The following NDUFAF6 variants were observed in gnomAD, a reference collection of about 807,000 sequenced individuals.
NDUFAF6 encodes the protein NADH dehydrogenase (ubiquinone) complex I, assembly factor 6.
NDUFAF6 carries 45 observed loss-of-function variants against 40.8 expected under a neutral mutation model. The ratio of observed to expected loss-of-function variants is 1.10; its 90% confidence interval spans 0.87 to 1.42. The LOEUF is 1.42. Ranked by LOEUF, NDUFAF6 falls within the 40% of genes most tolerant of loss-of-function variation. NDUFAF6 has a pLI of 0.00. For synonymous variants in NDUFAF6, 185 were observed against 155.9 expected, an observed-to-expected ratio of 1.19 and a Z score of -1.39; for missense variants, 435 against 418.5, an observed-to-expected ratio of 1.04 and a Z score of -0.34.
intron 2 of NDUFAF6, among the ~76,000 whole-genome samples, chr8:95,095,251 G>A (rs564141496): frequency 6.6e-5 from 10 of 152,288 alleles, no homozygotes; most frequent in African/African-American, 1.4e-4. Context: ...GCCTCAGAGC[G>A]TGAATCAGGA....
chr8:94,928,049 T>G (rs1285204865), intron 1 of NDUFAF6: 1 of 152,272 alleles, frequency 6.6e-6, no homozygotes, highest in African/African-American at 2.4e-5. Flanking sequence ...GAGTTTCAAC[T>G]GAATTATATA....
At chr8:95,056,984 G>A (rs140779042) in intron 8 of NDUFAF6, among the ~76,000 whole-genome samples, 1 of 151,926 alleles carries the variant, frequency 6.6e-6, no homozygotes, top group Non-Finnish European at 1.5e-5. Context: ...AAAAAGTCTG[G>A]AAGAAAATAT....
downstream of NDUFAF6, among the ~76,000 whole-genome samples, chr8:95,076,872 T>TGA (rs1403296065): frequency 4.6e-5 from 1 of 21,788 alleles, no homozygotes; most frequent in Non-Finnish European, 8.5e-5. Flanking sequence ...AAACTCCGTC[T>TGA]CAAAAAAAAA....
At chr8:95,038,823 G>A (rs1454290137) in intron 3 of NDUFAF6, among the ~76,000 whole-genome samples, 6 of 151,602 alleles carry the variant, frequency 4.0e-5, no homozygotes, top group Admixed American at 6.6e-5. Flanking sequence ...GACTACAGGT[G>A]TGTGCCACAA....
At chr8:95,037,138 C>A (rs1422836210) in intron 3 of NDUFAF6, among the ~76,000 whole-genome samples, 1 of 152,182 alleles carries the variant, frequency 6.6e-6, no homozygotes, top group South Asian at 2.1e-4. Flanking sequence ...TAGATGGGTT[C>A]CCCATTTCTC....
intron 2 of NDUFAF6, among the ~76,000 whole-genome samples, chr8:95,007,885 C>T (rs1235502397): frequency 1.3e-5 from 2 of 151,920 alleles, no homozygotes; most frequent in Non-Finnish European, 2.9e-5. Context: ...CCACCACGCA[C>T]AGCTAATTTT....
At position 94,941,942 on chromosome 8, in the gene NDUFAF6, C is replaced by A. The variant is rs151079150; in HGVS notation, c.-935-3541C>A. Among the ~76,000 whole-genome samples the A allele has an allele frequency of 5.9e-3, 896 of 152,242 alleles. 8 individuals are homozygous for A. Among genetic ancestry groups the A allele is most frequent in the African/African-American group, 0.02 (850 of 41,544 alleles). ...ACCAAAGATAGGTTTTTTTCCCCCA[C>A]AAACTTATTCATATACACTGCCCTT... On this transcript the variant is annotated intron_variant, in intron 1 of 14. Transcript: ENST00000396113.
chr8:94,966,977 C>A (rs1323526417), intron 1 of NDUFAF6, among the ~76,000 whole-genome samples: 1 of 152,056 alleles, frequency 6.6e-6, no homozygotes, highest in Non-Finnish European at 1.5e-5. Flanking sequence ...TTAGCTAGGC[C>A]CCTCACTGCA....
chr8:94,960,854 A>T (rs1332374127), intron 1 of NDUFAF6, among the ~76,000 whole-genome samples: 1 of 152,190 alleles, frequency 6.6e-6, no homozygotes, highest in Non-Finnish European at 1.5e-5. Flanking sequence ...CAAACCCTTC[A>T]TACCTTTTAC....
chr8:95,045,611 C>T lies in NDUFAF6; in HGVS notation c.544C>T (p.Gln182Ter). ...ACTGGAAAATTATGCTGAAAACACA[C>T]AGAGCTCTCTTCTTTACTTAACACT... ...KELENYAENT[Q>*]SSLLYLTLEI... The change falls in exon 5 of 9, where the codon CAG becomes TAG. Residue 182 changes from glutamine (Q) to a stop codon, truncating the protein, a stop_gained. Coordinates refer to ENST00000396124, the MANE Select transcript of NDUFAF6 (RefSeq NM_152416.4). LOFTEE classifies it high-confidence loss of function. The T allele has an allele frequency of 6.2e-7, 1 of 1,613,406 alleles. No individual in the cohort carries two copies. Among genetic ancestry groups the T allele is most frequent in the Non-Finnish European group, 8.5e-7 (1 of 1,179,588 alleles).
chr8:95,023,785 G>A (rs565769468), upstream of NDUFAF6, among the ~76,000 whole-genome samples: 3 of 152,260 alleles, frequency 2.0e-5, no homozygotes, highest in East Asian at 5.8e-4. Context: ...CATGAGGTCA[G>A]ATCGAGACCA....
intron 1 of NDUFAF6, among the ~76,000 whole-genome samples, chr8:94,909,248 C>T (rs576160700): frequency 6.8e-5 from 10 of 147,400 alleles, no homozygotes; most frequent in South Asian, 2.2e-4. Flanking sequence ...ACTTGGGAGG[C>T]GGAGGCAGGA....
intron 4 of NDUFAF6, among the ~76,000 whole-genome samples, chr8:95,113,584 C>A (rs1386682022): frequency 3.3e-5 from 5 of 152,194 alleles, no homozygotes; most frequent in South Asian, 2.1e-4. Context: ...ACTCTTCTTG[C>A]CTTCAAGCCC....
In NDUFAF6 at chr8:95,032,669, C is replaced by CA. The variant is rs576400464; in HGVS notation, c.297+576dup. On this transcript the variant is annotated intron_variant, in intron 2 of 8. Coordinates refer to ENST00000396124, the MANE Select transcript of NDUFAF6 (RefSeq NM_152416.4). ...GGAGATGAGAGAGTGAAAACTGGAA[C>CA]AGCCTTAGTCTTCTCAGTAATAAAT... Among the ~76,000 whole-genome samples the CA allele has an allele frequency of 4.3e-3, 648 of 152,252 alleles. 10 individuals are homozygous for CA. The highest frequency in any genetic ancestry group is 0.034 in the Middle Eastern group (10 of 294).
chr8:95,089,456 CTGTG>C (rs72153305), intron 2 of NDUFAF6, among the ~76,000 whole-genome samples: 6 of 101,920 alleles, frequency 5.9e-5, no homozygotes, highest in African/African-American at 1.4e-4. Context: ...ATAGTGTAAA[CTGTG>C]TGTATATATA....
At chr8:94,946,127 A>G (rs1387554516) in intron 2 of NDUFAF6, among the ~76,000 whole-genome samples, 1 of 151,262 alleles carries the variant, frequency 6.6e-6, no homozygotes. Context: ...TCTTCTACAC[A>G]TAAGGCTTCT....
At chr8:95,090,911 T>C (rs1249373708) in intron 2 of NDUFAF6, among the ~76,000 whole-genome samples, 2 of 152,138 alleles carry the variant, frequency 1.3e-5, no homozygotes, top group Non-Finnish European at 2.9e-5. Context: ...GACTCCAAGT[T>C]CTTCAGTTTT....
chr8:95,105,618 C>T (rs139042116), downstream of NDUFAF6, among the ~76,000 whole-genome samples: 115 of 152,268 alleles, frequency 7.6e-4, 1 homozygote, highest in East Asian at 0.019. Context: ...TCTCCTGCCT[C>T]GGCCTTCTGA....
intron 2 of NDUFAF6, among the ~76,000 whole-genome samples, chr8:95,094,977 G>C (rs1054391003): frequency 5.3e-5 from 8 of 151,324 alleles, no homozygotes; most frequent in Non-Finnish European, 1.0e-4. Context: ...GTGTTGCCCA[G>C]GTTGGTCTTG....
Sources: allele counts gnomAD v4.1 joint callset (sites outside exome capture counted in the v4.1 genomes callset), GRCh38; gene constraint gnomAD v4.1.1; transcripts MANE v1.5; gene names NCBI Gene and HGNC (gene_info 2026-07-23, HGNC 2026-07-21).